WFDC12: variants seen among roughly 807,000 people sequenced by gnomAD.
WFDC12 encodes the protein WAP four-disulfide core domain 12.
In WFDC12, 4 loss-of-function variants were observed where a neutral mutation model predicts 7.3. The observed-to-expected ratio is 0.55, with a 90% CI of 0.27 to 1.25. The LOEUF is 1.25. Ranked by LOEUF, WFDC12 falls within the 50% of genes most tolerant of loss-of-function variation. The pLI, the probability that WFDC12 is intolerant of heterozygous loss-of-function variation, is 0.12. For missense variants in WFDC12, 156 were observed against 134.4 expected (o/e 1.16, Z -0.80); for synonymous variants, 48 against 49.5 (o/e 0.97, Z 0.13).
chr20:45,124,442 C>T lies in WFDC12; in HGVS notation c.6G>A (p.Gly2=), dbSNP rs1375796866. Residue 2 remains glycine, a synonymous_variant, in exon 1 of 3, where the codon GGG becomes GGA. Transcript: ENST00000372785. ...CCATGAGGACCAAGAAGCTGCTGGA[C>T]CCCATGTTGCCAGGCAGGTGCTTGG... M[G]SSSFLVLMVS... is the part of the protein sequence containing the mutation. 5 of 1,614,168 alleles carry T rather than the reference C, an allele frequency of 3.1e-6. No homozygotes were observed. The South Asian group carries it at 3.3e-5, about 11-fold the overall frequency.
rs144241239 is a variant in WFDC12, at chr20:45,124,227, G to T, written c.118C>A (p.Arg40Ser). ...KAGVCPADNV[R>S]CFKSDPPQCH... The stretch of plus-strand genomic sequence containing the variant: ...TGGGGAGGATCGGACTTGAAGCAGC[G>T]TACGTTGTCAGCTGGGCAAACCCCT... The change falls in exon 2 of 3, where the codon CGC becomes AGC. Residue 40 changes from arginine (R) to serine (S), a missense_variant. Coordinates refer to ENST00000372785, the MANE Select transcript of WFDC12 (RefSeq NM_080869.2). 17 of 1,614,154 alleles carry T rather than the reference G, an allele frequency of 1.1e-5. No homozygotes were observed. Among genetic ancestry groups the T allele is most frequent in the Non-Finnish European group, 1.4e-5 (17 of 1,180,036 alleles).
chr20:45,124,052 G>A (rs1360098683), intron 2 of WFDC12, 55 bp downstream of exon 2: 43 of 1,611,646 alleles, frequency 2.7e-5, no homozygotes, highest in Non-Finnish European at 3.6e-5. Flanking sequence ...ACTTTCATGG[G>A]TCAGATAGAG....
In WFDC12 at chr20:45,124,107, CT is replaced by C. The variant is rs1292690563; in HGVS notation, c.237del (p.Gly80GlufsTer70). On this transcript the variant is annotated frameshift_variant and splice_region_variant, in exon 2 of 3. Transcript: ENST00000372785. LOFTEE classifies it low-confidence loss of function (END_TRUNC). ...AGCCCTGGGAGGCAGGTCTCCTTAC[CT>C]TCTTCCAGTTCCTTCACAGGAATCA... ...KCVIPVKELE[E>X]GGNKDEDVSR... is the part of the protein sequence containing the mutation. 6.2e-7 allele frequency: 1 copy of C among 1,613,940 alleles called. No homozygotes were observed. The highest frequency in any genetic ancestry group is 8.5e-7 in the Non-Finnish European group (1 of 1,179,968).
Position 45,123,743 on chromosome 20 carries a change from C to T in WFDC12, c.*103G>A, listed in dbSNP as rs1332093769. Reference sequence around the variant, plus strand: ...GAAAAGGACTTCAAGCTCAGGTTTTCTTTGGTGGGGTTGGGTATTGCTTCT... The same window carrying T: ...GAAAAGGACTTCAAGCTCAGGTTTTTTTTGGTGGGGTTGGGTATTGCTTCT... On this transcript the variant is annotated 3_prime_UTR_variant, in exon 3 of 3. Transcript: ENST00000372785. 2 of 1,233,664 alleles carry T rather than the reference C, an allele frequency of 1.6e-6. No homozygotes were observed. The highest frequency in any genetic ancestry group is 1.9e-5 in the Admixed American group (1 of 52,824). The allele number at this position is 1,233,664 out of a possible 1,614,324, so 76.4% of individuals were successfully genotyped here. A position where few individuals can be genotyped will look rare whatever the true frequency, so the allele number is the denominator to read the frequency against.
rs766318498 is a variant in WFDC12 at position 45,124,265 on chromosome 20, C to A, written c.80G>T (p.Gly27Val). Residue 27 changes from glycine to valine, a missense_variant and splice_region_variant, in exon 2 of 3, where the codon GGT becomes GTT. Coordinates refer to ENST00000372785, the MANE Select transcript of WFDC12 (RefSeq NM_080869.2). ...TLVAVEGVKE[G>V]IEKAGVCPAD... ...TGGGCAAACCCCTGCTTTCTCTATACCTAGTGGAGGAAGCCACAAGGTGAT... is the reference window on the plus strand; with the variant it reads ...TGGGCAAACCCCTGCTTTCTCTATAACTAGTGGAGGAAGCCACAAGGTGAT... The A allele has an allele frequency of 6.2e-7, 1 of 1,614,140 alleles. No homozygotes were observed. Among genetic ancestry groups the A allele is most frequent in the East Asian group, 2.2e-5 (1 of 44,868 alleles).
Position 45,123,697 on chromosome 20 carries a change from T to A in WFDC12, c.*149A>T. 5 of 833,470 alleles carry A rather than the reference T, an allele frequency of 6.0e-6. No individual in the cohort carries two copies. The highest frequency in any genetic ancestry group is 9.7e-6 in the Non-Finnish European group (5 of 516,084). The allele number at this position is 833,470 out of a possible 1,614,324, so 51.6% of individuals were successfully genotyped here. ...CCGTCCCTGGGGTCTGGACTTTTTG[T>A]GACTCTTCCCTCTTTTTGGGGAAAA... On this transcript the variant is annotated 3_prime_UTR_variant, in exon 3 of 3. Coordinates refer to ENST00000372785, the MANE Select transcript of WFDC12 (RefSeq NM_080869.2).
At chr20:45,123,973 T>C (rs763416209) in intron 2 of WFDC12, 30 bp from the exon 3 acceptor site, 1 of 1,598,494 alleles carries the variant, frequency 6.3e-7, no homozygotes, top group Admixed American at 1.8e-5. Context: ...TCAGACTAGG[T>C]GGTCTCTGAG....
Position 45,124,228 on chromosome 20 carries a change from T to C in WFDC12, c.117A>G (p.Val39=). 1 of 1,614,176 alleles carries C rather than the reference T, an allele frequency of 6.2e-7. No homozygotes were observed. The highest frequency in any genetic ancestry group is 8.5e-7 in the Non-Finnish European group (1 of 1,180,028). Reference sequence around the variant, plus strand: ...GGGGAGGATCGGACTTGAAGCAGCGTACGTTGTCAGCTGGGCAAACCCCTG... The same window carrying C: ...GGGGAGGATCGGACTTGAAGCAGCGCACGTTGTCAGCTGGGCAAACCCCTG... The part of the protein sequence containing the change: ...EKAGVCPADN[V]RCFKSDPPQC... Residue 39 remains valine, a synonymous_variant, in exon 2 of 3, where the codon GTA becomes GTG. Coordinates refer to ENST00000372785, the MANE Select transcript of WFDC12 (RefSeq NM_080869.2).
rs1981941565 is a variant in WFDC12, at chr20:45,124,437, C to T, written c.11G>A (p.Ser4Asn). 4 of 1,614,076 alleles carry T rather than the reference C, an allele frequency of 2.5e-6. No homozygotes were observed. The highest frequency in any genetic ancestry group is 3.4e-6 in the Non-Finnish European group (4 of 1,180,056). ...AGACACCATGAGGACCAAGAAGCTGCTGGACCCCATGTTGCCAGGCAGGTG... is the reference window on the plus strand; with the variant it reads ...AGACACCATGAGGACCAAGAAGCTGTTGGACCCCATGTTGCCAGGCAGGTG... MGS[S>N]SFLVLMVSLV... is the part of the protein sequence containing the mutation. The change falls in exon 1 of 3, where the codon AGC (serine) becomes AAC (asparagine). Residue 4 changes from serine (S) to asparagine (N), a missense_variant. By Grantham distance (46) the Ser-to-Asn change is conservative. Coordinates refer to ENST00000372785, the MANE Select transcript of WFDC12 (RefSeq NM_080869.2).
Position 45,123,452 on chromosome 20 carries a change from C to T in WFDC12, c.*394G>A, listed in dbSNP as rs1981914258. The T allele has an allele frequency of 5.2e-6, 1 of 193,210 alleles. No homozygotes were observed. The highest frequency in any genetic ancestry group is 1.1e-5 in the Non-Finnish European group (1 of 93,978). The allele number at this position is 193,210 out of a possible 1,614,324, so 12.0% of individuals were successfully genotyped here. On this transcript the variant is annotated 3_prime_UTR_variant, in exon 3 of 3. Transcript: ENST00000372785. The stretch of plus-strand genomic sequence containing the variant: ...GATTATAAACAGCAAATATTTATTT[C>T]TTACAGTTCTAGAGGCTGGGAAGTC...
chr20:45,124,018 A>G, intron 2 of WFDC12, 75 bp from the exon 3 acceptor site: 1 of 1,600,388 alleles, frequency 6.2e-7, no homozygotes, highest in Admixed American at 1.7e-5. Flanking sequence ...TCCCCACACC[A>G]GCTAAAGGGA....
intron 2 of WFDC12, 41 bp downstream of exon 2, chr20:45,124,066 G>A (rs1981929496): frequency 1.9e-6 from 3 of 1,612,578 alleles, no homozygotes; most frequent in Non-Finnish European, 2.5e-6. Context: ...GATAGAGGCA[G>A]GGAAGGGACA....
intron 1 of WFDC12, 29 bp from the exon 2 acceptor site, chr20:45,124,294 A>T: frequency 1.2e-6 from 2 of 1,614,070 alleles, no homozygotes; most frequent in Non-Finnish European, 1.7e-6. Context: ...AGGTGATATG[A>T]GAACTCCAGC....
At chr20:45,124,085 C>T in intron 2 of WFDC12, 22 bp downstream of exon 2, 1 of 1,613,534 alleles carries the variant, frequency 6.2e-7, no homozygotes, top group Non-Finnish European at 8.5e-7. Flanking sequence ...CAGCCCCAGC[C>T]CTGGGAGGCA....
Position 45,123,889 on chromosome 20 carries a change from G to A in WFDC12, c.293C>T (p.Ala98Val), listed in dbSNP as rs758824829. ...GGTAGAGGAGGAGCCTGGACACTTG[G>A]CCTCCCATCCTGGCTCAGGGTATGG... ...SRPYPEPGWE[A>V]KCPGSSSTRC... Residue 98 changes from alanine to valine, a missense_variant, in exon 3 of 3, where the codon GCC (alanine) becomes GTC (valine). Ala to Val is a moderately conservative substitution (Grantham distance 64). Transcript: ENST00000372785. 1.9e-6 allele frequency: 3 copies of A among 1,613,518 alleles called. No individual in the cohort carries two copies. Among genetic ancestry groups the A allele is most frequent in the South Asian group, 2.2e-5 (2 of 91,040 alleles).
chr20:45,124,408 C>A lies in WFDC12; in HGVS notation c.40G>T (p.Val14Phe), dbSNP rs145261147. ...TCCACAGCCACCAGGGTCACAAGAA[C>A]GAGAGACACCATGAGGACCAAGAAG... ...SSFLVLMVSL[V>F]LVTLVAVEGV... The change falls in exon 1 of 3, where the codon GTT becomes TTT. Residue 14 changes from valine (V) to phenylalanine (F), a missense_variant. Physicochemically the swap from Val to Phe is conservative, Grantham distance 50. Transcript: ENST00000372785. 1 of 1,614,176 alleles carries A rather than the reference C, an allele frequency of 6.2e-7. No homozygotes were observed. Among genetic ancestry groups the A allele is most frequent in the South Asian group, 1.1e-5 (1 of 91,074 alleles).
chr20:45,124,185 C>T lies in WFDC12; in HGVS notation c.160G>A (p.Asp54Asn), dbSNP rs374131730. 1.2e-6 allele frequency: 2 copies of T among 1,614,214 alleles called. No individual in the cohort carries two copies. The highest frequency in any genetic ancestry group is 2.7e-5 in the African/African-American group (2 of 75,054). The change falls in exon 2 of 3, where the codon GAC (aspartate) becomes AAC (asparagine). Residue 54 changes from aspartate to asparagine, a missense_variant. Asp to Asn is a conservative substitution (Grantham distance 23). Coordinates refer to ENST00000372785, the MANE Select transcript of WFDC12 (RefSeq NM_080869.2). ...SDPPQCHTDQ[D>N]CLGERKCCYL... ...CAACACTTCCTTTCCCCCAGACAGT[C>T]CTGGTCTGTGTGACACTGGGGAGGA...
rs1600615530 is a variant in WFDC12 at position 45,123,544 on chromosome 20, C to G, written c.*302G>C. On this transcript the variant is annotated 3_prime_UTR_variant, in exon 3 of 3. Coordinates refer to ENST00000372785, the MANE Select transcript of WFDC12 (RefSeq NM_080869.2). The stretch of plus-strand genomic sequence containing the variant: ...AGTTTCTCTTCTCTGACAGTGCCTT[C>G]TAGCTGTGATCACACATTGCAGAAG... 9.7e-6 allele frequency: 4 copies of G among 413,766 alleles called. No individual in the cohort carries two copies. In the East Asian group the frequency reaches 1.9e-4, roughly 20 times the overall value. The allele number at this position is 413,766 out of a possible 1,614,324, so 25.6% of individuals were successfully genotyped here. A position where few individuals can be genotyped will look rare whatever the true frequency, so the allele number is the denominator to read the frequency against.
Position 45,123,947 on chromosome 20 carries a change from T to C in WFDC12, c.239-4A>G. 1 of 1,608,072 alleles carries C rather than the reference T, an allele frequency of 6.2e-7. No homozygotes were observed. The highest frequency in any genetic ancestry group is 8.5e-7 in the Non-Finnish European group (1 of 1,176,942). ...ACATCTTCATCCTTGTTTCCTCCTTTGGACAATGGAGATGTTCAGACTAGG... is the reference window on the plus strand; with the variant it reads ...ACATCTTCATCCTTGTTTCCTCCTTCGGACAATGGAGATGTTCAGACTAGG... On this transcript the variant is annotated splice_polypyrimidine_tract_variant and splice_region_variant and intron_variant, in intron 2 of 2. Coordinates refer to ENST00000372785, the MANE Select transcript of WFDC12 (RefSeq NM_080869.2).
Sources: gnomAD v4.1 joint callset for allele counts on GRCh38, gnomAD v4.1.1 for gene constraint, MANE v1.5 for transcripts, NCBI Gene and HGNC (gene_info 2026-07-23, HGNC 2026-07-21) for gene names.